ACOXL: variants seen among roughly 807,000 people sequenced by gnomAD.
The protein encoded by ACOXL is acyl-coenzyme A oxidase-like protein.
A neutral mutation model predicts 71.9 loss-of-function variants in ACOXL; 70 were observed. The observed-to-expected ratio is 0.97, with a 90% CI of 0.80 to 1.19. ACOXL has a LOEUF of 1.19. Among genes scored for constraint, ACOXL ranks in the 50% most tolerant of loss-of-function variants. The pLI is 0.00. For missense variants in ACOXL, 703 were observed against 736.3 expected, an observed-to-expected ratio of 0.95 and a Z score of 0.52; for synonymous variants, 253 against 281.6, an observed-to-expected ratio of 0.90 and a Z score of 1.02.
intron 10 of ACOXL, among the ~76,000 whole-genome samples, chr2:110,882,376 C>T (rs916596565): frequency 5.9e-5 from 9 of 152,150 alleles, no homozygotes; most frequent in African/African-American, 2.2e-4. Flanking sequence ...AGTGCTTTAT[C>T]AGATATGCCT....
intron 15 of ACOXL, 98 bp downstream of exon 15, chr2:111,031,812 C>T: frequency 8.2e-7 from 1 of 1,213,324 alleles, no homozygotes; most frequent in South Asian, 1.2e-5. Flanking sequence ...TCCCAACACA[C>T]AGGGAAGGGA....
At chr2:111,062,991 G>T (rs538301445) in intron 16 of ACOXL, among the ~76,000 whole-genome samples, 1 of 152,136 alleles carries the variant, frequency 6.6e-6, no homozygotes, top group East Asian at 1.9e-4. Context: ...ACATCAAAAT[G>T]GTAGTAAGAT....
chr2:111,006,306 TGA>T (rs1399791067), intron 14 of ACOXL, among the ~76,000 whole-genome samples: 1 of 152,200 alleles, frequency 6.6e-6, no homozygotes, highest in African/African-American at 2.4e-5. Context: ...CATTACTCAG[TGA>T]GAGATTAGGC....
At chr2:110,779,929 A>G (rs1432702766) in intron 2 of ACOXL, among the ~76,000 whole-genome samples, 1 of 152,252 alleles carries the variant, frequency 6.6e-6, no homozygotes, top group African/African-American at 2.4e-5. Flanking sequence ...TCACTTGAAC[A>G]TATAAACGAA....
intron 11 of ACOXL, among the ~76,000 whole-genome samples, chr2:110,929,842 G>A (rs2060415290): frequency 6.6e-6 from 1 of 152,234 alleles, no homozygotes; most frequent in Admixed American, 6.5e-5. Context: ...GCTTCCACAT[G>A]GTGTTGAGCC....
At chr2:110,798,506 T>G (rs889009519) in intron 5 of ACOXL, 104 bp from the exon 6 acceptor site, 5 of 861,818 alleles carry the variant, frequency 5.8e-6, no homozygotes, top group Non-Finnish European at 9.7e-6. Flanking sequence ...TCCACCCACC[T>G]CGGCCCCCCA....
intron 15 of ACOXL, among the ~76,000 whole-genome samples, chr2:111,045,464 C>T (rs1558907579): frequency 6.6e-6 from 1 of 152,098 alleles, no homozygotes; most frequent in African/African-American, 2.4e-5. Context: ...GGGGCTTTTC[C>T]CCCTTTTGCT....
intron 9 of ACOXL, among the ~76,000 whole-genome samples, chr2:110,813,460 A>G (rs1011076055): frequency 2.0e-5 from 3 of 152,024 alleles, no homozygotes; most frequent in African/African-American, 4.8e-5. Context: ...CAGCTCATCT[A>G]CTACCGGGAG....
chr2:110,928,712 A>G (rs954914558), intron 11 of ACOXL, among the ~76,000 whole-genome samples: 2 of 152,178 alleles, frequency 1.3e-5, no homozygotes, highest in African/African-American at 4.8e-5. Context: ...CTCAAATCTC[A>G]TCTTGAACTG....
intron 1 of ACOXL, among the ~76,000 whole-genome samples, chr2:110,750,578 C>T (rs1559214780): frequency 6.7e-6 from 1 of 148,500 alleles, no homozygotes; most frequent in Admixed American, 6.7e-5. Flanking sequence ...TATATATATA[C>T]ATATATATAC....
intron 12 of ACOXL, among the ~76,000 whole-genome samples, chr2:110,959,391 C>T (rs1047483836): frequency 6.6e-6 from 1 of 152,148 alleles, no homozygotes; most frequent in Non-Finnish European, 1.5e-5. Flanking sequence ...TGCAGGAAGC[C>T]GTCTGCCTTT....
At chr2:110,894,537 G>A (rs2058928259) in intron 10 of ACOXL, among the ~76,000 whole-genome samples, 3 of 152,122 alleles carry the variant, frequency 2.0e-5, no homozygotes, top group African/African-American at 2.4e-5. Context: ...ATGAGGTTCC[G>A]TAACTCCATT....
intron 11 of ACOXL, among the ~76,000 whole-genome samples, chr2:110,916,333 G>GCAGAAGTAAATAATGAAATTAAGT (rs2059859656): frequency 1.3e-5 from 2 of 151,824 alleles, no homozygotes; most frequent in Non-Finnish European, 2.9e-5. Flanking sequence ...TGAAATTAAG[G>GCAGAAGTAAATAATGAAATTAAGT]CAGAAATAAA....
chr2:110,833,134 T>G (rs993271783), intron 9 of ACOXL, among the ~76,000 whole-genome samples: 2 of 152,216 alleles, frequency 1.3e-5, no homozygotes, highest in Non-Finnish European at 2.9e-5. Context: ...TATACCAACT[T>G]TATTCATAAC....
At chr2:110,979,328 A>G (rs1490182115) in intron 12 of ACOXL, among the ~76,000 whole-genome samples, 2 of 152,076 alleles carry the variant, frequency 1.3e-5, no homozygotes, top group African/African-American at 4.8e-5. Context: ...TTCCATTGAC[A>G]CTGGAGTGAT....
At chr2:111,051,142 A>C (rs567306971) in intron 16 of ACOXL, among the ~76,000 whole-genome samples, 13 of 152,352 alleles carry the variant, frequency 8.5e-5, no homozygotes, top group Admixed American at 5.9e-4. Flanking sequence ...TCATCAAAGA[A>C]AGAAGTTTCA....
At chr2:111,061,437 G>A (rs1352451398) in intron 16 of ACOXL, among the ~76,000 whole-genome samples, 1 of 151,976 alleles carries the variant, frequency 6.6e-6, no homozygotes, top group African/African-American at 2.4e-5. Flanking sequence ...TAGGAATTAG[G>A]AGGAAGTCAA....
chr2:110,880,589 G>T (rs957926857), intron 10 of ACOXL, among the ~76,000 whole-genome samples: 43 of 152,298 alleles, frequency 2.8e-4, no homozygotes, highest in African/African-American at 9.6e-4. Context: ...CTGTAGGATG[G>T]GTTCTTGGAG....
chr2:110,880,869 C>T (rs1448621950), intron 10 of ACOXL, among the ~76,000 whole-genome samples: 1 of 152,148 alleles, frequency 6.6e-6, no homozygotes. Flanking sequence ...TGAGGAGGCT[C>T]CTTTCTCCCA....
Sources: allele counts gnomAD v4.1 joint callset (sites outside exome capture counted in the v4.1 genomes callset), GRCh38; gene constraint gnomAD v4.1.1; transcripts MANE v1.5; gene names NCBI Gene and HGNC (gene_info 2026-07-23, HGNC 2026-07-21).